RORB: variants seen among roughly 807,000 people sequenced by gnomAD.
The protein encoded by RORB is RAR related orphan receptor B.
RORB carries 6 observed loss-of-function variants against 59.1 expected under a neutral mutation model. That is an observed-to-expected ratio of 0.10 (90% CI 0.06 to 0.20). RORB has a LOEUF of 0.20. Ranked by LOEUF, RORB falls within the 10% of genes least tolerant of loss-of-function variation. RORB has a pLI of 1.00. For missense variants in RORB, 320 were observed against 560.5 expected (o/e 0.57, Z 4.33); for synonymous variants, 215 against 204.5 (o/e 1.05, Z -0.44).
chr9:74,657,128 T>A (rs1474432610), intron 4 of RORB, among the ~76,000 whole-genome samples: 1 of 152,202 alleles, frequency 6.6e-6, no homozygotes, highest in Non-Finnish European at 1.5e-5. Flanking sequence ...TCACTGCAAC[T>A]TCCGACTCCC....
chr9:74,546,283 T>G (rs755563895), intron 1 of RORB, among the ~76,000 whole-genome samples: 4 of 152,200 alleles, frequency 2.6e-5, no homozygotes. Context: ...GGGAATCATC[T>G]TCAGAGAAGT....
At position 74,688,990 on chromosome 9, in the gene RORB, G is replaced by A. The variant is rs553443088; in HGVS notation, c.*3372G>A. 2.6e-5 allele frequency: 4 copies of A among 152,204 alleles called. No individual in the cohort carries two copies. Among genetic ancestry groups the A allele is most frequent in the Non-Finnish European group, 5.9e-5 (4 of 68,044 alleles). 9.4% of individuals were successfully genotyped at this position (152,204 alleles called of 1,614,324 possible). The stretch of plus-strand genomic sequence containing the variant: ...TGTATTTGTGGTCCATAAAAAGAAA[G>A]GGAAATTTTGGAGGGAAAATAGGAC... On this transcript the variant is annotated 3_prime_UTR_variant, in exon 10 of 10. Coordinates refer to ENST00000376896, the MANE Select transcript of RORB (RefSeq NM_006914.4).
At chr9:74,512,921 A>G (rs1825961038) in intron 1 of RORB, among the ~76,000 whole-genome samples, 1 of 152,186 alleles carries the variant, frequency 6.6e-6, no homozygotes, top group African/African-American at 2.4e-5. Flanking sequence ...TAAAAAACAG[A>G]CAATTTGAAA....
intron 1 of RORB, among the ~76,000 whole-genome samples, chr9:74,616,650 C>T (rs1273823370): frequency 1.3e-5 from 2 of 152,152 alleles, no homozygotes; most frequent in African/African-American, 4.8e-5. Flanking sequence ...AAATTAATAA[C>T]ACTAGACATA....
chr9:74,655,371 G>A (rs1488428821), intron 4 of RORB, among the ~76,000 whole-genome samples: 1 of 152,194 alleles, frequency 6.6e-6, no homozygotes, highest in Non-Finnish European at 1.5e-5. Flanking sequence ...TTCCAGCACA[G>A]AGCATACTGA....
At chr9:74,678,682 G>T (rs1359715394) in intron 9 of RORB, among the ~76,000 whole-genome samples, 1 of 152,040 alleles carries the variant, frequency 6.6e-6, no homozygotes, top group Non-Finnish European at 1.5e-5. Context: ...ACTACAAAAG[G>T]TCATTTATGG....
At chr9:74,585,150 T>C (rs1335789704) in intron 1 of RORB, among the ~76,000 whole-genome samples, 3 of 152,230 alleles carry the variant, frequency 2.0e-5, no homozygotes, top group Admixed American at 6.5e-5. Flanking sequence ...CAGCCATTTT[T>C]CAAATGTGAT....
At chr9:74,671,759 C>T (rs1359351472) in intron 8 of RORB, 30 bp from the exon 9 acceptor site, 2 of 1,400,638 alleles carry the variant, frequency 1.4e-6, no homozygotes, top group East Asian at 2.3e-5. Flanking sequence ...GTTGATGTTC[C>T]CTCCACTTAC....
intron 1 of RORB, among the ~76,000 whole-genome samples, chr9:74,503,129 A>G (rs1825823838): frequency 6.6e-6 from 1 of 152,110 alleles, no homozygotes; most frequent in African/African-American, 2.4e-5. Context: ...TCTAAAGGAT[A>G]GAAATCAAGC....
chr9:74,592,818 C>G (rs1822918921), intron 1 of RORB, among the ~76,000 whole-genome samples: 1 of 152,140 alleles, frequency 6.6e-6, no homozygotes, highest in Non-Finnish European at 1.5e-5. Context: ...CAATCTCTCT[C>G]TCTCTCTCTC....
At chr9:74,563,906 G>T (rs1822435221) in intron 1 of RORB, among the ~76,000 whole-genome samples, 1 of 152,208 alleles carries the variant, frequency 6.6e-6, no homozygotes, top group South Asian at 2.1e-4. Context: ...AAGCCAGAAG[G>T]CAGGAAAGAC....
Position 74,662,563 on chromosome 9 carries a change from C to T in RORB, c.849C>T (p.Phe283=). The T allele has an allele frequency of 6.2e-7, 1 of 1,614,138 alleles. No homozygotes were observed. Residue 283 remains phenylalanine, a synonymous_variant, in exon 6 of 10, where the codon TTC becomes TTT. Transcript: ENST00000376896. ...VVEFAKRITG[F]MELCQNDQIL... ...AGTTTGCAAAGCGGATAACAGGCTTCATGGAGCTCTGTCAAAATGATCAAA... is the reference window on the plus strand; with the variant it reads ...AGTTTGCAAAGCGGATAACAGGCTTTATGGAGCTCTGTCAAAATGATCAAA...
intron 1 of RORB, among the ~76,000 whole-genome samples, chr9:74,512,578 A>T (rs1409250744): frequency 6.6e-6 from 1 of 152,214 alleles, no homozygotes; most frequent in African/African-American, 2.4e-5. Flanking sequence ...AACTGAGAAG[A>T]TGCTACAAAC....
At chr9:74,509,413 A>G (rs1043222422) in intron 1 of RORB, among the ~76,000 whole-genome samples, 2 of 152,034 alleles carry the variant, frequency 1.3e-5, no homozygotes, top group African/African-American at 2.4e-5. Flanking sequence ...TTGCATATTT[A>G]TGGATTTTTT....
At chr9:74,608,188 C>T (rs1364942774) in intron 1 of RORB, among the ~76,000 whole-genome samples, 2 of 152,116 alleles carry the variant, frequency 1.3e-5, no homozygotes, top group African/African-American at 4.8e-5. Context: ...TTTCTAACAT[C>T]CAGATCTCTA....
chr9:74,543,178 A>G (rs1222052037), intron 1 of RORB, among the ~76,000 whole-genome samples: 1 of 152,182 alleles, frequency 6.6e-6, no homozygotes, highest in African/African-American at 2.4e-5. Context: ...TGGTTTTGGT[A>G]TTAATCACAC....
intron 1 of RORB, among the ~76,000 whole-genome samples, chr9:74,545,828 A>G (rs1826477804): frequency 6.6e-6 from 1 of 152,010 alleles, no homozygotes; most frequent in Non-Finnish European, 1.5e-5. Flanking sequence ...CAGGGGACAT[A>G]TATCTATTAT....
intron 1 of RORB, among the ~76,000 whole-genome samples, chr9:74,592,421 T>C (rs914250732): frequency 9.2e-5 from 14 of 152,224 alleles, no homozygotes; most frequent in African/African-American, 3.4e-4. Flanking sequence ...AATATCGCCA[T>C]GGCGTGGCTA....
At chr9:74,551,451 GAT>G (rs1826606216) in intron 1 of RORB, among the ~76,000 whole-genome samples, 1 of 152,220 alleles carries the variant, frequency 6.6e-6, no homozygotes, top group Non-Finnish European at 1.5e-5. Context: ...CAACAGCACG[GAT>G]ACAGTGGACA....
Sources: gnomAD v4.1 joint callset for allele counts (sites outside exome capture counted in the v4.1 genomes callset) on GRCh38, gnomAD v4.1.1 for gene constraint, MANE v1.5 for transcripts, NCBI Gene and HGNC (gene_info 2026-07-23, HGNC 2026-07-21) for gene names.